PYGB: variants seen among roughly 807,000 people sequenced by gnomAD.
PYGB encodes glycogen phosphorylase, brain form.
A neutral mutation model predicts 94.3 loss-of-function variants in PYGB; 82 were observed. The ratio of observed to expected loss-of-function variants is 0.87; its 90% CI spans 0.73 to 1.04. PYGB has a LOEUF of 1.04. PYGB is among the 50% of genes least tolerant of loss of function. PYGB has a pLI of 0.00. For missense variants in PYGB, 1,132 were observed against 1,158.2 expected, an observed-to-expected ratio of 0.98 and a Z score of 0.33; for synonymous variants, 488 against 479.1, an observed-to-expected ratio of 1.02 and a Z score of -0.24.
At chr20:25,294,054 G>C in intron 17 of PYGB, 104 bp from the exon 18 acceptor site, 1 of 1,501,466 alleles carries the variant, frequency 6.7e-7, no homozygotes, top group Non-Finnish European at 9.0e-7. Context: ...TGAGCTCCCA[G>C]GGCCATCCTG....
At chr20:25,278,276 A>ACTGGCCCTGGGACTGGGTC in intron 7 of PYGB, 43 bp from the exon 8 acceptor site, 1 of 433,926 alleles carries the variant, frequency 2.3e-6, no homozygotes, top group Non-Finnish European at 3.1e-6. Context: ...GGGGGAGGAG[A>ACTGGCCCTGGGACTGGGTC]ATGGCCCAGC....
chr20:25,248,161 T>C lies in PYGB; in HGVS notation c.-18T>C, dbSNP rs1460846545. 6.3e-7 allele frequency: 1 copy of C among 1,580,170 alleles called. No homozygotes were observed. On this transcript the variant is annotated 5_prime_UTR_variant, in exon 1 of 20. Transcript: ENST00000216962. ...CGCTTTCCTCCTCCATCTCTTTTCC[T>C]CCGCCTCCGCCGGCGCGATGGCGAA... is the stretch of plus-strand genomic sequence containing the variant.
intron 4 of PYGB, among the ~76,000 whole-genome samples, chr20:25,272,520 T>C (rs996735081): frequency 6.6e-6 from 1 of 152,234 alleles, no homozygotes; most frequent in Non-Finnish European, 1.5e-5. Flanking sequence ...CACCCCAAAA[T>C]CAATGGATTG....
At chr20:25,273,511 AT>A (rs2088284575) in intron 4 of PYGB, among the ~76,000 whole-genome samples, 1 of 152,138 alleles carries the variant, frequency 6.6e-6, no homozygotes, top group South Asian at 2.1e-4. Flanking sequence ...AAGAGACTTG[AT>A]CTCATTTCAG....
At position 25,292,363 on chromosome 20, in the gene PYGB, T is replaced by C. The variant is rs185274278; in HGVS notation, c.1970-43T>C. 5.2e-4 allele frequency: 823 copies of C among 1,595,556 alleles called. 3 individuals carry two copies. The African/African-American group carries it at 9.8e-3, about 19-fold the overall frequency. ...CAGTGAGCCTTGCGGCTGAGGACAT[T>C]GGGGTCCTCACAGTGATCCCCTCCA... On this transcript the variant is annotated intron_variant, in intron 16 of 19. Transcript: ENST00000216962.
intron 2 of PYGB, among the ~76,000 whole-genome samples, chr20:25,265,970 A>T (rs1428620718): frequency 6.6e-6 from 1 of 152,002 alleles, no homozygotes; most frequent in African/African-American, 2.4e-5. Flanking sequence ...TGATTTGTGG[A>T]TATTTTCTCC....
At chr20:25,285,723 G>C (rs2088412400) in intron 14 of PYGB, 1 of 47,286 alleles carries the variant, frequency 2.1e-5, no homozygotes, top group Admixed American at 1.7e-4. Flanking sequence ...TGTACCTGTG[G>C]TGGACCTGCG....
Position 25,284,182 on chromosome 20 carries a change from C to T in PYGB, c.1699C>T (p.His567Tyr), listed in dbSNP as rs2088396269. The change falls in exon 14 of 20, where the codon CAT becomes TAT. Residue 567 changes from histidine (H) to tyrosine (Y), a missense_variant. Coordinates refer to ENST00000216962, the MANE Select transcript of PYGB (RefSeq NM_002862.4). ...CAACCCCTCCTCCATGTTCGATGTG[C>T]ATGTGAAGAGGATCCACGAGTACAA... ...KINPSSMFDV[H>Y]VKRIHEYKRQ... 1 of 1,613,980 alleles carries T rather than the reference C, an allele frequency of 6.2e-7. No individual in the cohort carries two copies. The highest frequency in any genetic ancestry group is 1.3e-5 in the African/African-American group (1 of 74,916).
intron 2 of PYGB, among the ~76,000 whole-genome samples, chr20:25,265,592 A>ATTTT (rs34336965): frequency 8.4e-6 from 1 of 119,672 alleles, no homozygotes; most frequent in African/African-American, 3.3e-5. Context: ...TTGTTGTTGA[A>ATTTT]TTTTTTTTTT....
chr20:25,274,691 A>G lies in PYGB; in HGVS notation c.628A>G (p.Thr210Ala). 6.2e-7 allele frequency: 1 copy of G among 1,613,402 alleles called. No homozygotes were observed. The highest frequency in any genetic ancestry group is 2.2e-5 in the East Asian group (1 of 44,876). The part of the protein sequence containing the change: ...PVHFYGRVEH[T>A]PDGVKWLDTQ... Reference sequence around the variant, plus strand: ...GCACTTCTACGGACGCGTGGAGCACACCCCCGACGGCGTGAAGTGGCTGGA... The same window carrying G: ...GCACTTCTACGGACGCGTGGAGCACGCCCCCGACGGCGTGAAGTGGCTGGA... The change falls in exon 5 of 20, where the codon ACC (threonine) becomes GCC (alanine). Residue 210 changes from threonine (T) to alanine (A), a missense_variant. Thr to Ala is a moderately conservative substitution (Grantham distance 58, BLOSUM62 0). Transcript: ENST00000216962.
At chr20:25,266,211 C>G (rs1331247717) in intron 2 of PYGB, among the ~76,000 whole-genome samples, 2 of 150,922 alleles carry the variant, frequency 1.3e-5, no homozygotes, top group African/African-American at 4.9e-5. Context: ...GTCTATTTTT[C>G]CTTTTGTTGC....
Position 25,276,851 on chromosome 20 carries a change from T to C in PYGB, c.772+94T>C, listed in dbSNP as rs2088316763. 8 of 1,196,094 alleles carry C rather than the reference T, an allele frequency of 6.7e-6. No individual in the cohort carries two copies. In the East Asian group the frequency reaches 2.0e-4, roughly 31 times the overall value. The allele number at this position is 1,196,094 out of a possible 1,614,324, so 74.1% of individuals were successfully genotyped here. A position where few individuals can be genotyped will look rare whatever the true frequency, so the allele number is the denominator to read the frequency against. On this transcript the variant is annotated intron_variant, in intron 6 of 19. Transcript: ENST00000216962. The stretch of plus-strand genomic sequence containing the variant: ...GCCTTTACCGCGCCCTGTGGCTCAC[T>C]GTCCTGGAGGCCGCGCGGCCCTCCT...
intron 1 of PYGB, chr20:25,250,966 A>G (rs1346754630): frequency 6.6e-6 from 1 of 152,202 alleles, no homozygotes; most frequent in Non-Finnish European, 1.5e-5. Context: ...CCGTATTGGC[A>G]GAAACTTGTT....
chr20:25,273,104 C>T (rs2088281256), intron 4 of PYGB, among the ~76,000 whole-genome samples: 2 of 152,238 alleles, frequency 1.3e-5, no homozygotes, highest in South Asian at 4.1e-4. Context: ...GAAGTAAATA[C>T]AGGCAGGGTT....
At chr20:25,268,257 T>C (rs1301686968) in intron 2 of PYGB, among the ~76,000 whole-genome samples, 1 of 149,044 alleles carries the variant, frequency 6.7e-6, no homozygotes, top group Admixed American at 6.8e-5. Context: ...AATTTTACCC[T>C]GAATCAAATT....
chr20:25,279,340 G>C (rs1346577202), intron 9 of PYGB, among the ~76,000 whole-genome samples, 191 bp downstream of exon 9: 1 of 152,080 alleles, frequency 6.6e-6, no homozygotes, highest in African/African-American at 2.4e-5. Flanking sequence ...CCAGAGTATG[G>C]GGTCAGGGCG....
intron 4 of PYGB, among the ~76,000 whole-genome samples, chr20:25,273,670 T>C (rs1357158888): frequency 6.6e-6 from 1 of 152,144 alleles, no homozygotes. Context: ...GTTGGTTTCA[T>C]GTAGTTACTC....
Position 25,248,333 on chromosome 20 carries a change from A to G in PYGB, c.155A>G (p.Tyr52Cys), listed in dbSNP as rs749245048. Residue 52 changes from tyrosine to cysteine, a missense_variant, in exon 1 of 20, where the codon TAC (tyrosine) becomes TGC (cysteine). Transcript: ENST00000216962. The part of the protein sequence containing the change: ...KDRNVATPRD[Y>C]FFALAHTVRD... ...CGCAATGTGGCCACGCCCCGCGACT[A>G]CTTCTTCGCGCTGGCGCACACGGTG... is the stretch of plus-strand genomic sequence containing the variant. The G allele has an allele frequency of 3.1e-6, 5 of 1,603,648 alleles. No homozygotes were observed. The East Asian group carries it at 6.8e-5, about 22-fold the overall frequency.
chr20:25,289,835 A>G (rs1307687812), intron 15 of PYGB: 1 of 533,392 alleles, frequency 1.9e-6, no homozygotes, highest in Non-Finnish European at 3.8e-6. Flanking sequence ...CCAGAACCAC[A>G]ATGGGAGTAG....
Sources: gnomAD v4.1 joint callset for allele counts (sites outside exome capture counted in the v4.1 genomes callset) on GRCh38, gnomAD v4.1.1 for gene constraint, MANE v1.5 for transcripts, NCBI Gene and HGNC (gene_info 2026-07-23, HGNC 2026-07-21) for gene names.